PCTP: variants seen among roughly 807,000 people sequenced by gnomAD.
The protein encoded by PCTP is START domain-containing protein 2.
In PCTP, 27 loss-of-function variants were observed where a neutral mutation model predicts 31.0. That is an observed-to-expected ratio of 0.87 (90% CI 0.64 to 1.20). The LOEUF is 1.20. Ranked by LOEUF, PCTP falls within the 50% of genes most tolerant of loss-of-function variation. The pLI is 0.00. For synonymous variants in PCTP, 108 were observed against 101.2 expected (o/e 1.07, Z -0.40); for missense variants, 287 against 268.2 (o/e 1.07, Z -0.49).
chr17:55,780,090 CT>C (rs59816865), downstream of PCTP, among the ~76,000 whole-genome samples: 30,714 of 138,612 alleles, frequency 0.22, 5,021 homozygotes, highest in African/African-American at 0.49. Flanking sequence ...CAAGGAAGAA[CT>C]TTTTTTTTTT....
chr17:55,823,035 C>T (rs116939143), exon 4 of PCTP: 2 of 341,994 alleles, frequency 5.8e-6, no homozygotes, highest in Non-Finnish European at 1.0e-5. Flanking sequence ...GATGTGTTCA[C>T]TATCATCTAT....
intron 3 of PCTP, among the ~76,000 whole-genome samples, chr17:55,808,546 C>T (rs1208763304): frequency 6.6e-6 from 1 of 152,162 alleles, no homozygotes; most frequent in Non-Finnish European, 1.5e-5. Flanking sequence ...CCTTCTTATG[C>T]TTTATTGCAA....
At chr17:55,815,971 G>A (rs1190675582) in intron 3 of PCTP, among the ~76,000 whole-genome samples, 1 of 152,112 alleles carries the variant, frequency 6.6e-6, no homozygotes, top group Non-Finnish European at 1.5e-5. Flanking sequence ...ACACAGTTTT[G>A]GATTTCCCTT....
chr17:55,828,732 T>C (rs1905487562), intron 5 of PCTP, among the ~76,000 whole-genome samples: 1 of 151,836 alleles, frequency 6.6e-6, no homozygotes, highest in East Asian at 1.9e-4. Flanking sequence ...AGCCCAGTAG[T>C]AAGAGCTGTA....
At chr17:55,756,651 C>T (rs1168371342) in intron 1 of PCTP, among the ~76,000 whole-genome samples, 1 of 151,852 alleles carries the variant, frequency 6.6e-6, no homozygotes, top group Admixed American at 6.6e-5. Flanking sequence ...TCTCTACTTT[C>T]GTGTATGTTT....
At chr17:55,830,066 G>T (rs1253464850) in intron 5 of PCTP, among the ~76,000 whole-genome samples, 1 of 152,188 alleles carries the variant, frequency 6.6e-6, no homozygotes. Context: ...CTGTTGATGA[G>T]AATTTGTAAT....
chr17:55,764,153 G>C (rs1910506799), intron 1 of PCTP, among the ~76,000 whole-genome samples: 1 of 152,226 alleles, frequency 6.6e-6, no homozygotes, highest in Non-Finnish European at 1.5e-5. Flanking sequence ...AAGAGAACCA[G>C]TGTAAGGGAA....
intron 2 of PCTP, among the ~76,000 whole-genome samples, chr17:55,784,658 G>T (rs1450801776): frequency 6.6e-6 from 1 of 151,986 alleles, no homozygotes; most frequent in Admixed American, 6.6e-5. Context: ...CCCATAGAAA[G>T]GTCATTAAAA....
At chr17:55,766,763 T>C (rs1365581388) in intron 1 of PCTP, among the ~76,000 whole-genome samples, 1 of 152,128 alleles carries the variant, frequency 6.6e-6, no homozygotes, top group Non-Finnish European at 1.5e-5. Context: ...TTATAGTCCT[T>C]TGGGTATATA....
downstream of PCTP, among the ~76,000 whole-genome samples, chr17:55,782,169 G>A (rs567411541): frequency 1.3e-5 from 2 of 152,334 alleles, no homozygotes; most frequent in Admixed American, 6.5e-5. Flanking sequence ...TTCCTCAGAA[G>A]AGGGTCAGCC....
chr17:55,753,670 C>G (rs2144900485), intron 1 of PCTP, among the ~76,000 whole-genome samples: 1 of 152,328 alleles, frequency 6.6e-6, no homozygotes, highest in African/African-American at 2.4e-5. Flanking sequence ...TTGGTCTCAA[C>G]TCACATTTCC....
chr17:55,845,675 A>G (rs1256326824), downstream of PCTP, among the ~76,000 whole-genome samples: 1 of 151,922 alleles, frequency 6.6e-6, no homozygotes, highest in Non-Finnish European at 1.5e-5. Context: ...GCCTGTCAGC[A>G]TTTCAGCTCC....
intron 3 of PCTP, among the ~76,000 whole-genome samples, chr17:55,809,914 A>G (rs1440884608): frequency 1.3e-5 from 2 of 152,206 alleles, no homozygotes. Flanking sequence ...AGCTCTGTAA[A>G]AACATTGAAA....
intron 2 of PCTP, among the ~76,000 whole-genome samples, chr17:55,785,042 T>C (rs1911699529): frequency 6.6e-6 from 1 of 152,252 alleles, no homozygotes; most frequent in Non-Finnish European, 1.5e-5. Flanking sequence ...ATTCACTTCT[T>C]TGTGTAATGC....
chr17:55,805,552 G>A (rs1164275798), intron 3 of PCTP, among the ~76,000 whole-genome samples: 1 of 151,842 alleles, frequency 6.6e-6, no homozygotes, highest in Non-Finnish European at 1.5e-5. Context: ...TTTTATGGCT[G>A]CATAGTATTC....
intron 3 of PCTP, among the ~76,000 whole-genome samples, chr17:55,820,141 G>A (rs1913068524): frequency 6.6e-6 from 1 of 151,808 alleles, no homozygotes; most frequent in South Asian, 2.1e-4. Context: ...AAAAGCATAA[G>A]CAAAAAAATA....
chr17:55,774,971 G>C, intron 5 of PCTP, 112 bp downstream of exon 5: 2 of 1,201,090 alleles, frequency 1.7e-6, no homozygotes, highest in Non-Finnish European at 2.4e-6. Flanking sequence ...CAGGCGTAAT[G>C]AGGCTCTTTT....
chr17:55,760,250 G>T (rs1470914380), intron 1 of PCTP, among the ~76,000 whole-genome samples: 2 of 152,098 alleles, frequency 1.3e-5, no homozygotes, highest in African/African-American at 2.4e-5. Context: ...GTAGATATTG[G>T]TTTTCCTGAA....
downstream of PCTP, among the ~76,000 whole-genome samples, chr17:55,827,018 T>C (rs1905419701): frequency 6.9e-6 from 1 of 145,518 alleles, no homozygotes; most frequent in Non-Finnish European, 1.5e-5. Context: ...ATACAAAAGA[T>C]ACCTACTGTG....
Sources: allele counts gnomAD v4.1 joint callset (sites outside exome capture counted in the v4.1 genomes callset), GRCh38; gene constraint gnomAD v4.1.1; transcripts MANE v1.5; gene names NCBI Gene and HGNC (gene_info 2026-07-23, HGNC 2026-07-21).